STK24: variants seen among roughly 807,000 people sequenced by gnomAD.
STK24 encodes serine/threonine-protein kinase 24.
Under a neutral mutation model 55.6 loss-of-function variants are expected in STK24, and 21 were observed. The ratio of observed to expected loss-of-function variants is 0.38; its 90% CI spans 0.27 to 0.54. STK24 has a LOEUF of 0.54. Ranked by LOEUF, STK24 falls within the 20% of genes least tolerant of loss-of-function variation. The probability of loss-of-function intolerance (pLI) is 0.79; values close to 1 mark genes in which losing one functional copy is unlikely to be tolerated. For synonymous variants in STK24, 200 were observed against 215.2 expected (o/e 0.93, Z 0.62); for missense variants, 383 against 538.4 (o/e 0.71, Z 2.86).
At chr13:98,571,126 G>A (rs1897727935) in intron 1 of STK24, among the ~76,000 whole-genome samples, 2 of 152,118 alleles carry the variant, frequency 1.3e-5, no homozygotes, top group South Asian at 2.1e-4. Flanking sequence ...GGAGACCATC[G>A]GACGCCTGGA....
At chr13:98,499,438 A>C (rs1056065218) in intron 2 of STK24, among the ~76,000 whole-genome samples, 9 of 152,228 alleles carry the variant, frequency 5.9e-5, no homozygotes, top group African/African-American at 2.2e-4. Context: ...GCGTATGGAA[A>C]GAAGCACCCT....
rs759060230 is a variant in STK24 at position 98,542,397 on chromosome 13, AC to A, written c.43-22925del. Among the ~76,000 whole-genome samples, 6 of 151,548 alleles carry A rather than the reference AC, an allele frequency of 4.0e-5. No individual in the cohort carries two copies. In the East Asian group the frequency reaches 5.8e-4, roughly 15 times the overall value. Reference sequence around the variant, plus strand: ...CTATGCACAAACAACAACAACAACAACAAAAAAAACGGCCAATTGGTAGGTT... The same window carrying A: ...CTATGCACAAACAACAACAACAACAAAAAAAAAACGGCCAATTGGTAGGTT... On this transcript the variant is annotated intron_variant, in intron 1 of 10. Coordinates refer to ENST00000539966, the MANE Select transcript of STK24 (RefSeq NM_001032296.4).
At chr13:98,460,661 G>A (rs1348731548) in intron 8 of STK24, among the ~76,000 whole-genome samples, 1 of 152,068 alleles carries the variant, frequency 6.6e-6, no homozygotes, top group Non-Finnish European at 1.5e-5. Flanking sequence ...CCCACGCACC[G>A]GGGAAACCAG....
At chr13:98,570,084 G>A (rs1897699996) in intron 1 of STK24, among the ~76,000 whole-genome samples, 3 of 151,926 alleles carry the variant, frequency 2.0e-5, no homozygotes, top group African/African-American at 7.3e-5. Flanking sequence ...TCACCATGTT[G>A]GCCAGGCTGG....
At chr13:98,489,636 C>A (rs1219405281) in intron 2 of STK24, among the ~76,000 whole-genome samples, 2 of 152,204 alleles carry the variant, frequency 1.3e-5, no homozygotes, top group East Asian at 3.9e-4. Flanking sequence ...GTCCGTCTAA[C>A]CTCCAGGAGG....
chr13:98,530,896 C>A (rs1468080269), intron 1 of STK24, among the ~76,000 whole-genome samples: 1 of 152,152 alleles, frequency 6.6e-6, no homozygotes, highest in Admixed American at 6.5e-5. Flanking sequence ...AACTCGCTGG[C>A]CATAACTCTT....
intron 1 of STK24, among the ~76,000 whole-genome samples, chr13:98,572,002 T>C (rs990051673): frequency 6.6e-6 from 1 of 152,196 alleles, no homozygotes; most frequent in African/African-American, 2.4e-5. Flanking sequence ...TGTCTACAGA[T>C]GCAAGGCCTC....
At chr13:98,549,759 T>C (rs193024441) in intron 1 of STK24, among the ~76,000 whole-genome samples, 2 of 152,314 alleles carry the variant, frequency 1.3e-5, no homozygotes, top group South Asian at 2.1e-4. Context: ...AATTGCTTTA[T>C]AGCAACAGAA....
chr13:98,505,574 G>GA (rs1895653362), intron 2 of STK24, among the ~76,000 whole-genome samples: 1 of 152,156 alleles, frequency 6.6e-6, no homozygotes, highest in Admixed American at 6.5e-5. Flanking sequence ...GCATATAATC[G>GA]AAAGCCAATC....
chr13:98,482,659 C>G (rs1894640083), intron 2 of STK24, among the ~76,000 whole-genome samples: 1 of 152,214 alleles, frequency 6.6e-6, no homozygotes, highest in Non-Finnish European at 1.5e-5. Flanking sequence ...TCCTCAGGCA[C>G]AGTGAGAGCT....
At chr13:98,535,364 AAAAAAAAT>A (rs1566391914) in intron 1 of STK24, among the ~76,000 whole-genome samples, 1,463 of 41,364 alleles carry the variant, frequency 0.035, 25 homozygotes, top group African/African-American at 0.096. Context: ...AAACAAACAA[AAAAAAAAT>A]ATATATATAT....
chr13:98,544,690 C>T (rs1896986215), intron 1 of STK24, among the ~76,000 whole-genome samples: 1 of 152,180 alleles, frequency 6.6e-6, no homozygotes, highest in Non-Finnish European at 1.5e-5. Flanking sequence ...CAAGGAAAGA[C>T]AGTGGTGAAA....
intron 10 of STK24, 38 bp from the exon 11 acceptor site, chr13:98,453,247 A>C (rs1893285725): frequency 1.6e-5 from 25 of 1,601,904 alleles, no homozygotes; most frequent in Non-Finnish European, 2.0e-5. Flanking sequence ...AACACATGTC[A>C]TTTCTCATCC....
intron 1 of STK24, among the ~76,000 whole-genome samples, chr13:98,536,213 G>A (rs1896731836): frequency 6.6e-6 from 1 of 152,098 alleles, no homozygotes; most frequent in Non-Finnish European, 1.5e-5. Context: ...GAGGGAACGT[G>A]AGCAATCAAG....
At position 98,448,034 on chromosome 13, in the gene STK24, CTGAG is replaced by C. The variant is rs753680745; in HGVS notation, c.*5135_*5138del. On this transcript the variant is annotated 3_prime_UTR_variant, in exon 11 of 11. Coordinates refer to ENST00000539966, the MANE Select transcript of STK24 (RefSeq NM_001032296.4). ...GCAGCAAGGTACTTCCAGCTCCACA[CTGAG>C]TGAGTGCCCAGGCCAGTGGGTCTCC... The C allele has an allele frequency of 3.3e-5, 20 of 599,578 alleles. No homozygotes were observed. Among genetic ancestry groups the C allele is most frequent in the South Asian group, 1.4e-4 (7 of 50,846 alleles). The allele number at this position is 599,578 out of a possible 1,614,324, so 37.1% of individuals were successfully genotyped here. A position where few individuals can be genotyped will look rare whatever the true frequency, so the allele number is the denominator to read the frequency against.
At position 98,448,685 on chromosome 13, in the gene STK24, C is replaced by CTT. The variant is rs1053140035; in HGVS notation, c.*4486_*4487dup. 4 of 179,398 alleles carry CTT rather than the reference C, an allele frequency of 2.2e-5. No homozygotes were observed. The highest frequency in any genetic ancestry group is 4.6e-5 in the Non-Finnish European group (4 of 86,082). The allele number at this position is 179,398 out of a possible 1,614,324, so 11.1% of individuals were successfully genotyped here. On this transcript the variant is annotated 3_prime_UTR_variant, in exon 11 of 11. Transcript: ENST00000539966. ...TTTTTCTTCCTAAAAAAAGTTCTTT[C>CTT]TTTTATTATTTTCACCTATTGGCTG...
chr13:98,560,902 A>C (rs1226049351), intron 1 of STK24, among the ~76,000 whole-genome samples: 1 of 137,682 alleles, frequency 7.3e-6, no homozygotes, highest in Non-Finnish European at 1.5e-5. Flanking sequence ...TCTCAAAAAA[A>C]AGAAAAAAAA....
intron 2 of STK24, among the ~76,000 whole-genome samples, chr13:98,518,588 T>C (rs1161549345): frequency 6.6e-6 from 1 of 152,236 alleles, no homozygotes; most frequent in Non-Finnish European, 1.5e-5. Context: ...TAAGCCTTCT[T>C]AGTGTTGTAA....
At chr13:98,471,798 A>G (rs1894158031) in intron 5 of STK24, among the ~76,000 whole-genome samples, 1 of 152,136 alleles carries the variant, frequency 6.6e-6, no homozygotes, top group Non-Finnish European at 1.5e-5. Flanking sequence ...GAAGTCCATC[A>G]CTTCTCCCAA....
Sources: allele counts gnomAD v4.1 joint callset (sites outside exome capture counted in the v4.1 genomes callset), GRCh38; gene constraint gnomAD v4.1.1; transcripts MANE v1.5; gene names NCBI Gene and HGNC (gene_info 2026-07-23, HGNC 2026-07-21).